PRKAR1B: variants seen among roughly 807,000 people sequenced by gnomAD.
The protein encoded by PRKAR1B is cAMP-dependent protein kinase type I-beta regulatory subunit.
PRKAR1B carries 22 observed loss-of-function variants against 46.5 expected under a neutral mutation model. The ratio of observed to expected loss-of-function variants is 0.47; its 90% confidence interval spans 0.34 to 0.68. PRKAR1B has a LOEUF of 0.68. Ranked by LOEUF, PRKAR1B falls within the 30% of genes least tolerant of loss-of-function variation. PRKAR1B has a pLI of 0.01. For synonymous variants in PRKAR1B, 259 were observed against 217.7 expected (o/e 1.19, Z -1.67); for missense variants, 445 against 535.6 (o/e 0.83, Z 1.67).
rs1007898041 is a variant in PRKAR1B at position 666,794 on chromosome 7, A to C, written c.440+10435T>G. Among the ~76,000 whole-genome samples the C allele has an allele frequency of 6.6e-6, 1 of 152,200 alleles. No individual in the cohort carries two copies. The highest frequency in any genetic ancestry group is 1.5e-5 in the Non-Finnish European group (1 of 68,024). ...CTACCCCAGCCTCTTTCTCAGACCAAGTACTGAGTGGGGCCTGACTGCGGG... is the reference window on the plus strand; with the variant it reads ...CTACCCCAGCCTCTTTCTCAGACCACGTACTGAGTGGGGCCTGACTGCGGG... On this transcript the variant is annotated intron_variant, in intron 4 of 10. Coordinates refer to ENST00000537384, the MANE Select transcript of PRKAR1B (RefSeq NM_001164760.2). This position sits in a 1 kb window ranked among gnomAD's most constrained non-coding sequence, Gnocchi z 4.9.
intron 4 of PRKAR1B, among the ~76,000 whole-genome samples, chr7:619,178 G>A (rs113105400): frequency 3.0e-4 from 46 of 152,228 alleles, no homozygotes; most frequent in Non-Finnish European, 5.4e-4. Flanking sequence ...GCGAAGAGTC[G>A]GACGAAAGCA....
intron 7 of PRKAR1B, among the ~76,000 whole-genome samples, chr7:588,848 GGT>G (rs1780803737): frequency 8.3e-6 from 1 of 121,152 alleles, no homozygotes; most frequent in African/African-American, 3.5e-5. Context: ...TGGTAATGGT[GGT>G]GATGGTGATG....
intron 4 of PRKAR1B, among the ~76,000 whole-genome samples, chr7:673,045 TAAAAAAAA>T (rs992683667): frequency 8.3e-4 from 22 of 26,550 alleles, no homozygotes; most frequent in South Asian, 3.6e-3. Context: ...GCCTTGTCTT[TAAAAAAAA>T]AAAAAAAAAA....
intron 9 of PRKAR1B, among the ~76,000 whole-genome samples, chr7:576,767 C>T (rs1465448551): frequency 2.6e-5 from 4 of 151,906 alleles, no homozygotes; most frequent in Admixed American, 6.6e-5. Context: ...TATGGTAGAG[C>T]CGCAGTGGGA....
At chr7:615,469 A>G (rs1204988780) in intron 4 of PRKAR1B, among the ~76,000 whole-genome samples, 1 of 151,278 alleles carries the variant, frequency 6.6e-6, no homozygotes, top group Non-Finnish European at 1.5e-5. Flanking sequence ...AGACAGAAAG[A>G]AGGAAAGAAA....
intron 4 of PRKAR1B, among the ~76,000 whole-genome samples, chr7:635,368 G>A (rs1783986598): frequency 6.6e-6 from 1 of 152,204 alleles, no homozygotes. Flanking sequence ...GCAGACTGTG[G>A]CATCGCTGCT....
At chr7:646,413 G>A (rs1012182721) in intron 4 of PRKAR1B, among the ~76,000 whole-genome samples, 15 of 152,220 alleles carry the variant, frequency 9.9e-5, no homozygotes, top group African/African-American at 3.6e-4. Context: ...TAAACCTGGG[G>A]AAATCCAAAT....
intron 2 of PRKAR1B, among the ~76,000 whole-genome samples, chr7:694,013 G>C (rs1779589871): frequency 6.6e-6 from 1 of 152,206 alleles, no homozygotes; most frequent in Non-Finnish European, 1.5e-5. Flanking sequence ...GGCCGGGCGT[G>C]GTGGCTCACG....
In PRKAR1B at chr7:673,045, TAAAAAAAAA is replaced by T. The variant is rs992683667; in HGVS notation, c.440+4175_440+4183del. ...GGGTGAGAGAGTAAGGCCTTGTCTT[TAAAAAAAAA>T]AAAAAAAAAAAAAAAAAAAAAAAAC... is the stretch of plus-strand genomic sequence containing the variant. On this transcript the variant is annotated intron_variant, in intron 4 of 10. Coordinates refer to ENST00000537384, the MANE Select transcript of PRKAR1B (RefSeq NM_001164760.2). 1.2e-3 allele frequency among the ~76,000 whole-genome samples: 32 copies of T among 26,544 alleles called. 1 individual carries two copies. Among genetic ancestry groups the T allele is most frequent in the African/African-American group, 2.9e-3 (20 of 6,840 alleles). 17.4% of individuals were successfully genotyped at this position (26,544 alleles called of 152,430 possible). A position where few individuals can be genotyped will look rare whatever the true frequency, so the allele number is the denominator to read the frequency against.
intron 4 of PRKAR1B, among the ~76,000 whole-genome samples, chr7:630,941 C>T (rs1397473810): frequency 6.6e-6 from 1 of 150,484 alleles, no homozygotes; most frequent in Non-Finnish European, 1.5e-5. Flanking sequence ...GGGCTTGCAG[C>T]TGATTCGGAT....
chr7:719,790 C>T (rs1340569733), intron 1 of PRKAR1B, among the ~76,000 whole-genome samples: 2 of 152,200 alleles, frequency 1.3e-5, no homozygotes, highest in African/African-American at 4.8e-5. Context: ...AATCACGCCA[C>T]CCCATCCCTA....
chr7:682,625 G>A (rs1778754032), intron 2 of PRKAR1B, among the ~76,000 whole-genome samples: 3 of 151,972 alleles, frequency 2.0e-5, no homozygotes, highest in Admixed American at 2.0e-4. Flanking sequence ...GGCACCTGTA[G>A]TCCCAGCTAC....
At chr7:712,810 C>T (rs1442429249) in intron 1 of PRKAR1B, 1 of 151,468 alleles carries the variant, frequency 6.6e-6, no homozygotes, top group Non-Finnish European at 1.5e-5. Context: ...CCCACTCCCG[C>T]CCCGTTCACG....
chr7:718,684 G>A (rs1780969492), intron 1 of PRKAR1B, among the ~76,000 whole-genome samples: 1 of 151,984 alleles, frequency 6.6e-6, no homozygotes, highest in African/African-American at 2.4e-5. Flanking sequence ...TAGAAAATGT[G>A]CCTTCATTAT....
At chr7:647,566 G>A (rs934863326) in intron 4 of PRKAR1B, among the ~76,000 whole-genome samples, 1 of 152,036 alleles carries the variant, frequency 6.6e-6, no homozygotes, top group Admixed American at 6.6e-5. Context: ...CAGCACTTTG[G>A]GGGGCCGAGA....
At chr7:724,940 C>T (rs1781197803) in intron 1 of PRKAR1B, among the ~76,000 whole-genome samples, 1 of 152,224 alleles carries the variant, frequency 6.6e-6, no homozygotes, top group Non-Finnish European at 1.5e-5. Flanking sequence ...ATGGGCCGGG[C>T]GTGGTGGCTC....
At chr7:676,546 C>G (rs769886616) in intron 4 of PRKAR1B, among the ~76,000 whole-genome samples, 1 of 152,232 alleles carries the variant, frequency 6.6e-6, no homozygotes, top group Non-Finnish European at 1.5e-5. Context: ...AGGTATAGCG[C>G]GCGGGGGAAC....
At chr7:717,139 A>C (rs183499229) in intron 1 of PRKAR1B, among the ~76,000 whole-genome samples, 1 of 152,018 alleles carries the variant, frequency 6.6e-6, no homozygotes, top group East Asian at 1.9e-4. Flanking sequence ...AAAAATACAA[A>C]AATTAGCCAG....
At position 680,568 on chromosome 7, in the gene PRKAR1B, G is replaced by A. The variant is rs369835648; in HGVS notation, c.336C>T (p.Ser112=). 1.2e-6 allele frequency: 2 copies of A among 1,609,720 alleles called. No homozygotes were observed. The highest frequency in any genetic ancestry group is 2.2e-5 in the East Asian group (1 of 44,602). Residue 112 remains serine, a synonymous_variant, in exon 3 of 11, where the codon TCC becomes TCT. Coordinates refer to ENST00000537384, the MANE Select transcript of PRKAR1B (RefSeq NM_001164760.2). ...AEVYTEEDAV[S]YVRKVIPKDY... ...CCGTGAGCCTCACCTTCCTGACGTA[G>A]GACACGGCGTCCTCCTCGGTGTACA... is the stretch of plus-strand genomic sequence containing the variant.
Sources: allele counts gnomAD v4.1 joint callset (sites outside exome capture counted in the v4.1 genomes callset), GRCh38; gene constraint gnomAD v4.1.1; non-coding constraint Gnocchi (gnomAD v3.1); transcripts MANE v1.5; gene names NCBI Gene and HGNC (gene_info 2026-07-23, HGNC 2026-07-21).